DGCR8: variants seen among roughly 807,000 people sequenced by gnomAD.
DGCR8 encodes DGCR8 microprocessor complex subunit, also known as microprocessor complex subunit DGCR8.
In DGCR8, 14 loss-of-function variants were observed where a neutral mutation model predicts 78.5. That is an observed-to-expected ratio of 0.18 (90% CI 0.12 to 0.28). The LOEUF (loss-of-function observed/expected upper bound fraction) is 0.28. Among genes scored for constraint, DGCR8 ranks in the 10% least tolerant of loss-of-function variants. DGCR8 has a pLI of 1.00. For missense variants in DGCR8, 702 were observed against 1,022.5 expected, an observed-to-expected ratio of 0.69 and a Z score of 4.28; for synonymous variants, 399 against 402.4, an observed-to-expected ratio of 0.99 and a Z score of 0.10.
intron 8 of DGCR8, 59 bp from the exon 9 acceptor site, chr22:20,094,654 C>T: frequency 6.7e-7 from 1 of 1,486,456 alleles, no homozygotes; most frequent in African/African-American, 1.4e-5. Context: ...GTTCACTCTG[C>T]AGGGTGGTGA....
At position 20,087,958 on chromosome 22, in the gene DGCR8, G is replaced by T. The variant is rs2049507412; in HGVS notation, c.880+637G>T. 6.6e-6 allele frequency among the ~76,000 whole-genome samples: 1 copy of T among 152,084 alleles called. No homozygotes were observed. Among genetic ancestry groups the T allele is most frequent in the Admixed American group, 6.5e-5 (1 of 15,270 alleles). On this transcript the variant is annotated intron_variant, in intron 3 of 13. Coordinates refer to ENST00000351989, the MANE Select transcript of DGCR8 (RefSeq NM_022720.7). The surrounding 1 kb of genome is among the most constrained non-coding windows in gnomAD (Gnocchi z 4.1). ...TGCAGGTGTTGGGGGAGTCGGAGTTGGTGGCTTGGAGGCACCTATGAGGGT... is the reference window on the plus strand; with the variant it reads ...TGCAGGTGTTGGGGGAGTCGGAGTTTGTGGCTTGGAGGCACCTATGAGGGT...
Position 20,085,177 on chromosome 22 carries a change from G to A in DGCR8, c.-277-510G>A. On this transcript the variant is annotated intron_variant, in intron 1 of 13. Transcript: ENST00000351989. This position sits in a 1 kb window ranked among gnomAD's most constrained non-coding sequence, Gnocchi z 6.2. ...CCCAGGAGAGCCCTGGGGTCCCTGG[G>A]TAGCAGAGCGCCTGGCCATGCCTCT... The A allele has an allele frequency of 2.6e-6, 1 of 382,000 alleles. No individual in the cohort carries two copies. Among genetic ancestry groups the A allele is most frequent in the Non-Finnish European group, 3.6e-6 (1 of 278,468 alleles). The allele number at this position is 382,000 out of a possible 1,614,324, so 23.7% of individuals were successfully genotyped here. A position where few individuals can be genotyped will look rare whatever the true frequency, so the allele number is the denominator to read the frequency against.
intron 9 of DGCR8, among the ~76,000 whole-genome samples, chr22:20,099,717 A>G (rs1381009776): frequency 6.6e-6 from 1 of 152,234 alleles, no homozygotes; most frequent in Non-Finnish European, 1.5e-5. Context: ...AGGAGAGCAG[A>G]TTTTGGAGGT....
At position 20,082,002 on chromosome 22, in the gene DGCR8, C is replaced by T. The variant is rs183976092; in HGVS notation, c.-278+1619C>T. Reference sequence around the variant, plus strand: ...ACTGTCACCTTAGGTCCTCACTCCCCATCCACCATCTATAGTTTTTCTGGA... The same window carrying T: ...ACTGTCACCTTAGGTCCTCACTCCCTATCCACCATCTATAGTTTTTCTGGA... On this transcript the variant is annotated intron_variant, in intron 1 of 13. Transcript: ENST00000351989. Among the ~76,000 whole-genome samples the T allele has an allele frequency of 1.9e-3, 284 of 152,232 alleles. 2 individuals carry two copies. The highest frequency in any genetic ancestry group is 6.4e-3 in the African/African-American group (267 of 41,540).
At position 20,106,690 on chromosome 22, in the gene DGCR8, G is replaced by A. The variant is rs143256550; in HGVS notation, c.1988G>A (p.Arg663His). Reference sequence around the variant, plus strand: ...ATGGCGTGTGGCAAGCACACAGTGCGCGGGTGGTGTAAGGACTCCTTCTCT... The same window carrying A: ...ATGGCGTGTGGCAAGCACACAGTGCACGGGTGGTGTAAGGACTCCTTCTCT... The part of the protein sequence containing the change: ...YVMACGKHTV[R>H]GWCKNKRVGK... The change falls in exon 11 of 14, where the codon CGC becomes CAC. Residue 663 changes from arginine (R) to histidine (H), a missense_variant. Transcript: ENST00000351989. 8.2e-5 allele frequency: 133 copies of A among 1,613,064 alleles called. No homozygotes were observed. Among genetic ancestry groups the A allele is most frequent in the Non-Finnish European group, 1.1e-4 (124 of 1,179,142 alleles).
At chr22:20,099,041 G>T (rs1038025705) in intron 9 of DGCR8, among the ~76,000 whole-genome samples, 2 of 152,146 alleles carry the variant, frequency 1.3e-5, no homozygotes, top group Non-Finnish European at 2.9e-5. Flanking sequence ...CTTGGACAGG[G>T]ATTTTCGTAA....
At chr22:20,088,877 G>A (rs2049520449) in intron 3 of DGCR8, among the ~76,000 whole-genome samples, 1 of 152,006 alleles carries the variant, frequency 6.6e-6, no homozygotes, top group Admixed American at 6.6e-5. Context: ...CAGCCTCCCA[G>A]GCTCAAGTGA....
At chr22:20,090,681 G>C (rs1407797674) in intron 5 of DGCR8, among the ~76,000 whole-genome samples, 1 of 152,234 alleles carries the variant, frequency 6.6e-6, no homozygotes, top group Non-Finnish European at 1.5e-5. Flanking sequence ...TCTGTGGATA[G>C]TTCCCTCTTC....
At chr22:20,081,773 A>G (rs555268130) in intron 1 of DGCR8, among the ~76,000 whole-genome samples, 1 of 152,290 alleles carries the variant, frequency 6.6e-6, no homozygotes, top group South Asian at 2.1e-4. Context: ...CCAAGTAGCC[A>G]TATCCAAACC....
intron 9 of DGCR8, among the ~76,000 whole-genome samples, chr22:20,096,769 T>C (rs975090966): frequency 1.3e-5 from 2 of 152,216 alleles, no homozygotes; most frequent in African/African-American, 4.8e-5. Flanking sequence ...TCATACAATA[T>C]GTGGTCTTTT....
Position 20,087,164 on chromosome 22 carries a change from T to C in DGCR8, c.723T>C (p.Asp241=). ...TGTCTGAACAGCGTGTTTTGCAGGA[T>C]GACTTTGACAACGATGTGGATGCTC... The part of the protein sequence containing the change: ...DEEALNFPYE[D]DFDNDVDALL... The change falls in exon 3 of 14, where the codon GAT becomes GAC. Residue 241 remains aspartate, a splice_region_variant and synonymous_variant. Transcript: ENST00000351989. This position sits in a 1 kb window ranked among gnomAD's most constrained non-coding sequence, Gnocchi z 4.1. The C allele has an allele frequency of 2.5e-6, 4 of 1,608,640 alleles. No individual in the cohort carries two copies. The South Asian group carries it at 4.4e-5, about 18-fold the overall frequency.
chr22:20,111,496 C>T lies in DGCR8; in HGVS notation c.*1388C>T, dbSNP rs117915683. On this transcript the variant is annotated 3_prime_UTR_variant, in exon 14 of 14. Coordinates refer to ENST00000351989, the MANE Select transcript of DGCR8 (RefSeq NM_022720.7). Reference sequence around the variant, plus strand: ...AAAAAGAAACCCTCAACTCAAATTGCTATAATTAGACACTTGCTTCTGTCT... The same window carrying T: ...AAAAAGAAACCCTCAACTCAAATTGTTATAATTAGACACTTGCTTCTGTCT... 2,185 of 398,216 alleles carry T rather than the reference C, an allele frequency of 5.5e-3. 16 individuals are homozygous for T. The highest frequency in any genetic ancestry group is 8.3e-3 in the Non-Finnish European group (1,885 of 226,036). 24.7% of individuals were successfully genotyped at this position (398,216 alleles called of 1,614,324 possible). A position where few individuals can be genotyped will look rare whatever the true frequency, so the allele number is the denominator to read the frequency against.
chr22:20,090,085 C>T lies in DGCR8; in HGVS notation c.1133C>T (p.Pro378Leu). ...CTCACCCCTAGTGGGGATGTGTCCC[C>T]CGTCAAGCCCCTGAGCCGATCTGCA... ...SDLTPSGDVS[P>L]VKPLSRSAEL... Residue 378 changes from proline to leucine, a missense_variant, in exon 5 of 14, where the codon CCC becomes CTC. By Grantham distance (98) the Pro-to-Leu change is moderately conservative. Coordinates refer to ENST00000351989, the MANE Select transcript of DGCR8 (RefSeq NM_022720.7). 1 of 1,614,232 alleles carries T rather than the reference C, an allele frequency of 6.2e-7. No individual in the cohort carries two copies. The highest frequency in any genetic ancestry group is 1.1e-5 in the South Asian group (1 of 91,088).
At position 20,086,203 on chromosome 22, in the gene DGCR8, C is replaced by T. The variant is rs923800175; in HGVS notation, c.240C>T (p.Phe80=). ...YGASLLSKGS[F]SKGRLLIDPN... ...CTTCTCTTCTCTCCAAAGGATCCTTCTCTAAGGGCCGCCTCCTCATAGACC... is the reference window on the plus strand; with the variant it reads ...CTTCTCTTCTCTCCAAAGGATCCTTTTCTAAGGGCCGCCTCCTCATAGACC... Residue 80 remains phenylalanine, a synonymous_variant, in exon 2 of 14, where the codon TTC becomes TTT. Transcript: ENST00000351989. This position sits in a 1 kb window ranked among gnomAD's most constrained non-coding sequence, Gnocchi z 6.4. The T allele has an allele frequency of 4.3e-6, 7 of 1,614,180 alleles. No individual in the cohort carries two copies. The highest frequency in any genetic ancestry group is 1.7e-5 in the Admixed American group (1 of 60,028).
Position 20,080,263 on chromosome 22 carries a change from G to A in DGCR8, c.-398G>A. On this transcript the variant is annotated 5_prime_UTR_variant, in exon 1 of 14. Coordinates refer to ENST00000351989, the MANE Select transcript of DGCR8 (RefSeq NM_022720.7). ...GCCCTCCGCTCGCCCGGCGCGGCAGGCGGGTGCCGGCGACCGGAGAGCCTG... is the reference window on the plus strand; with the variant it reads ...GCCCTCCGCTCGCCCGGCGCGGCAGACGGGTGCCGGCGACCGGAGAGCCTG... 1 of 979,650 alleles carries A rather than the reference G, an allele frequency of 1.0e-6. No homozygotes were observed. Among genetic ancestry groups the A allele is most frequent in the Non-Finnish European group, 1.2e-6 (1 of 826,818 alleles). The allele number at this position is 979,650 out of a possible 1,614,324, so 60.7% of individuals were successfully genotyped here.
Position 20,110,235 on chromosome 22 carries a change from C to T in DGCR8, c.*127C>T. On this transcript the variant is annotated 3_prime_UTR_variant, in exon 14 of 14. Transcript: ENST00000351989. ...TCCTTCCCTGTGGCCAACCTGTGGG[C>T]CCGGCCTTAGGGTGGAGGCTTTAGT... is the stretch of plus-strand genomic sequence containing the variant. 2 of 948,300 alleles carry T rather than the reference C, an allele frequency of 2.1e-6. No homozygotes were observed. The highest frequency in any genetic ancestry group is 3.2e-6 in the Non-Finnish European group (2 of 628,844). The allele number at this position is 948,300 out of a possible 1,614,324, so 58.7% of individuals were successfully genotyped here.
rs2049535736 is a variant in DGCR8 at position 20,090,100 on chromosome 22, G to A, written c.1148G>A (p.Ser383Asn). The stretch of plus-strand genomic sequence containing the variant: ...GATGTGTCCCCCGTCAAGCCCCTGA[G>A]CCGATCTGCAGAGCTGGAGTTTCCC... ...SGDVSPVKPLSRSAELEFPLD... is the reference protein window; with the variant it reads ...SGDVSPVKPLNRSAELEFPLD... Residue 383 changes from serine (S) to asparagine (N), a missense_variant, in exon 5 of 14, where the codon AGC (serine) becomes AAC (asparagine). By Grantham distance (46) the Ser-to-Asn change is conservative. Around this residue, in one of 4 missense-constraint regions of DGCR8, gnomAD observed 119 missense variants for 126.1 expected, o/e 0.94. Transcript: ENST00000351989. 6.2e-7 allele frequency: 1 copy of A among 1,614,242 alleles called. No individual in the cohort carries two copies. Among genetic ancestry groups the A allele is most frequent in the Non-Finnish European group, 8.5e-7 (1 of 1,180,044 alleles).
Position 20,085,114 on chromosome 22 carries a change from G to A in DGCR8, c.-277-573G>A, listed in dbSNP as rs962987262. 1.6e-5 allele frequency: 14 copies of A among 860,732 alleles called. No homozygotes were observed. The highest frequency in any genetic ancestry group is 5.5e-5 in the African/African-American group (3 of 54,598). The allele number at this position is 860,732 out of a possible 1,614,324, so 53.3% of individuals were successfully genotyped here. A position where few individuals can be genotyped will look rare whatever the true frequency, so the allele number is the denominator to read the frequency against. On this transcript the variant is annotated intron_variant, in intron 1 of 13. Coordinates refer to ENST00000351989, the MANE Select transcript of DGCR8 (RefSeq NM_022720.7). The surrounding 1 kb of genome is among the most constrained non-coding windows in gnomAD (Gnocchi z 6.2). ...CTGCCACCTCTGGTGACCTCAGCAC[G>A]CTGCATCACTGTCCCCGTCCACGTG...
chr22:20,110,133 G>A lies in DGCR8; in HGVS notation c.*25G>A, dbSNP rs189179345. 1,293 of 1,600,238 alleles carry A rather than the reference G, an allele frequency of 8.1e-4. 10 individuals are homozygous for A. In the African/African-American group the frequency reaches 0.014, roughly 17 times the overall value. On this transcript the variant is annotated 3_prime_UTR_variant, in exon 14 of 14. Transcript: ENST00000351989. The stretch of plus-strand genomic sequence containing the variant: ...AGGGAGGTGGCACGGGCCAGGGCGC[G>A]GGGGCCGCCAGCCGCACTTCTGAGG...
Sources: gnomAD v4.1 joint callset for allele counts (sites outside exome capture counted in the v4.1 genomes callset) on GRCh38, gnomAD v4.1.1 for gene constraint, gnomAD v4.1.1 regional missense constraint, Gnocchi (gnomAD v3.1) non-coding constraint, MANE v1.5 for transcripts, NCBI Gene and HGNC (gene_info 2026-07-23, HGNC 2026-07-21) for gene names.